SHC3: variants seen among roughly 807,000 people sequenced by gnomAD.
The protein encoded by SHC3 is SHC adaptor protein 3.
In SHC3, 15 loss-of-function variants were observed where a neutral mutation model predicts 60.4. The ratio of observed to expected loss-of-function variants is 0.25; its 90% CI spans 0.17 to 0.38. The LOEUF (loss-of-function observed/expected upper bound fraction) is 0.38. SHC3 is among the 10% of genes least tolerant of loss of function. The pLI is 1.00. For synonymous variants in SHC3, 294 were observed against 325.9 expected, an observed-to-expected ratio of 0.90 and a Z score of 1.05; for missense variants, 677 against 786.1, an observed-to-expected ratio of 0.86 and a Z score of 1.66.
rs544943297 is a variant in SHC3 at position 89,081,730 on chromosome 9, C to T, written c.546-3827G>A. On this transcript the variant is annotated intron_variant, in intron 2 of 11. Coordinates refer to ENST00000375835, the MANE Select transcript of SHC3 (RefSeq NM_016848.6). ...CAAGAAAAAGTCTTCCATCACTTAACGTGTAACCCTATTTATCTATTTTTA... is the reference window on the plus strand; with the variant it reads ...CAAGAAAAAGTCTTCCATCACTTAATGTGTAACCCTATTTATCTATTTTTA... Among the ~76,000 whole-genome samples, 7 of 152,300 alleles carry T rather than the reference C, an allele frequency of 4.6e-5. No homozygotes were observed. In the East Asian group the frequency reaches 7.7e-4, roughly 17 times the overall value.
At chr9:89,116,876 G>A (rs1315693288) in intron 1 of SHC3, among the ~76,000 whole-genome samples, 2 of 151,794 alleles carry the variant, frequency 1.3e-5, no homozygotes, top group Non-Finnish European at 2.9e-5. Flanking sequence ...CACCAGCACA[G>A]AATCAAGGAA....
At chr9:89,060,270 G>A (rs934654862) in intron 6 of SHC3, among the ~76,000 whole-genome samples, 1 of 151,150 alleles carries the variant, frequency 6.6e-6, no homozygotes, top group African/African-American at 2.4e-5. Context: ...TGGAGGACAT[G>A]GTGGAGGACA....
intron 1 of SHC3, among the ~76,000 whole-genome samples, chr9:89,138,084 G>A (rs1194316752): frequency 2.0e-5 from 3 of 152,174 alleles, no homozygotes; most frequent in East Asian, 3.9e-4. Flanking sequence ...CTGGGAAGCC[G>A]TGAGCTGCCA....
intron 11 of SHC3, among the ~76,000 whole-genome samples, chr9:89,014,523 T>C (rs1587673382): frequency 6.6e-6 from 1 of 152,160 alleles, no homozygotes; most frequent in Non-Finnish European, 1.5e-5. Flanking sequence ...GAGGGTCAGC[T>C]GAATTCCCTG....
At chr9:89,117,357 C>T (rs984483603) in intron 1 of SHC3, among the ~76,000 whole-genome samples, 7 of 152,152 alleles carry the variant, frequency 4.6e-5, no homozygotes, top group Middle Eastern at 3.2e-3. Flanking sequence ...GCAAAAGTAA[C>T]TCATTTTGTT....
At chr9:89,048,481 A>G (rs1824809527) in intron 7 of SHC3, among the ~76,000 whole-genome samples, 1 of 152,162 alleles carries the variant, frequency 6.6e-6, no homozygotes, top group Non-Finnish European at 1.5e-5. Flanking sequence ...TAGAGACAGA[A>G]AGTAGATTAG....
intron 2 of SHC3, among the ~76,000 whole-genome samples, chr9:89,094,352 G>A (rs2118060367): frequency 6.6e-6 from 1 of 152,240 alleles, no homozygotes; most frequent in South Asian, 2.1e-4. Context: ...CGTTCTCAGG[G>A]GATGAATGTG....
At chr9:89,022,242 G>C (rs1165092941) in intron 11 of SHC3, among the ~76,000 whole-genome samples, 1 of 152,038 alleles carries the variant, frequency 6.6e-6, no homozygotes, top group Non-Finnish European at 1.5e-5. Context: ...GGCTCCAGGA[G>C]CCTAGAAGGA....
chr9:89,057,318 T>C (rs1824969633), intron 6 of SHC3, among the ~76,000 whole-genome samples: 1 of 50,584 alleles, frequency 2.0e-5, no homozygotes, highest in East Asian at 2.1e-4. Context: ...CCTTTTTCTT[T>C]TTTTTTTTTT....
chr9:89,116,803 T>C (rs1048553038), intron 1 of SHC3, among the ~76,000 whole-genome samples: 9 of 152,150 alleles, frequency 5.9e-5, no homozygotes, highest in African/African-American at 1.9e-4. Flanking sequence ...GTGGATACCA[T>C]GACAATACTG....
intron 2 of SHC3, chr9:89,110,105 T>A: frequency 1.0e-6 from 1 of 985,394 alleles, no homozygotes; most frequent in Non-Finnish European, 1.2e-6. Flanking sequence ...AAAAGAAAGA[T>A]GTTTTCCTTT....
At chr9:89,077,928 T>G (rs1825385787) in intron 2 of SHC3, 25 bp from the exon 3 acceptor site, 11 of 1,613,934 alleles carry the variant, frequency 6.8e-6, no homozygotes, top group Non-Finnish European at 9.3e-6. Flanking sequence ...AAAAAGCAAT[T>G]TTATTACGTG....
In SHC3 at chr9:89,006,977, A is replaced by C. The variant is rs1324195730; in HGVS notation, c.*6470T>G. The C allele has an allele frequency of 1.3e-5, 2 of 152,224 alleles. No individual in the cohort carries two copies. The highest frequency in any genetic ancestry group is 4.8e-5 in the African/African-American group (2 of 41,454). The allele number at this position is 152,224 out of a possible 1,614,324, so 9.4% of individuals were successfully genotyped here. A position where few individuals can be genotyped will look rare whatever the true frequency, so the allele number is the denominator to read the frequency against. On this transcript the variant is annotated 3_prime_UTR_variant, in exon 12 of 12. Coordinates refer to ENST00000375835, the MANE Select transcript of SHC3 (RefSeq NM_016848.6). Reference sequence around the variant, plus strand: ...CTCAGGACCACAGCTCCCCATGTGCATGTTTTTCTGTCTGCAGTATTTCAA... The same window carrying C: ...CTCAGGACCACAGCTCCCCATGTGCCTGTTTTTCTGTCTGCAGTATTTCAA...
At chr9:89,045,900 C>G in intron 8 of SHC3, 67 bp from the exon 9 acceptor site, 1 of 1,519,030 alleles carries the variant, frequency 6.6e-7, no homozygotes, top group East Asian at 2.3e-5. Flanking sequence ...CTTTTGAAAG[C>G]CACAAGACAG....
intron 1 of SHC3, among the ~76,000 whole-genome samples, chr9:89,148,984 T>C (rs912297319): frequency 1.3e-5 from 2 of 152,216 alleles, no homozygotes; most frequent in African/African-American, 4.8e-5. Flanking sequence ...GCCCACTTCA[T>C]GGAATGTTAT....
At chr9:89,109,585 G>T (rs1825916541) in intron 2 of SHC3, 1 of 985,558 alleles carries the variant, frequency 1.0e-6, no homozygotes. Context: ...GAAGAGAAGA[G>T]AGGGTGGACG....
At chr9:89,075,277 G>C (rs774320445) in intron 3 of SHC3, 49 bp from the exon 4 acceptor site, 26 of 1,600,664 alleles carry the variant, frequency 1.6e-5, no homozygotes, top group Non-Finnish European at 2.1e-5. Context: ...CCATCTCAAA[G>C]GGTGGGGATG....
At chr9:89,124,410 T>C (rs1826134387) in intron 1 of SHC3, among the ~76,000 whole-genome samples, 1 of 152,170 alleles carries the variant, frequency 6.6e-6, no homozygotes, top group Admixed American at 6.5e-5. Context: ...GCAGCACTAT[T>C]TACAATAGCA....
chr9:89,145,555 A>G (rs1307474000), intron 1 of SHC3, among the ~76,000 whole-genome samples: 1 of 152,254 alleles, frequency 6.6e-6, no homozygotes, highest in Non-Finnish European at 1.5e-5. Context: ...AGAGATATGA[A>G]GATAGATTCG....
Sources: allele counts gnomAD v4.1 joint callset (sites outside exome capture counted in the v4.1 genomes callset), GRCh38; gene constraint gnomAD v4.1.1; transcripts MANE v1.5; gene names NCBI Gene and HGNC (gene_info 2026-07-23, HGNC 2026-07-21).